RNF214: variants seen among roughly 807,000 people sequenced by gnomAD.
RNF214 encodes the protein ring finger protein 214.
RNF214 carries 25 observed loss-of-function variants against 75.9 expected under a neutral mutation model. That is an observed-to-expected ratio of 0.33 (90% CI 0.24 to 0.46). RNF214 has a LOEUF of 0.46. Ranked by LOEUF, RNF214 falls within the 20% of genes least tolerant of loss-of-function variation. The pLI is 1.00. For missense variants in RNF214, 725 were observed against 857.5 expected (o/e 0.85, Z 1.93); for synonymous variants, 314 against 308.8 (o/e 1.02, Z -0.18).
At chr11:117,268,674 CTT>C (rs1033143232) in intron 6 of RNF214, among the ~76,000 whole-genome samples, 22 of 152,170 alleles carry the variant, frequency 1.4e-4, no homozygotes, top group African/African-American at 5.1e-4. Flanking sequence ...ATTCTAGAGA[CTT>C]TTTATTTTCA....
intron 8 of RNF214, among the ~76,000 whole-genome samples, chr11:117,280,926 C>G (rs1017795932): frequency 1.3e-5 from 2 of 149,750 alleles, no homozygotes; most frequent in Non-Finnish European, 2.9e-5. Context: ...CTCTTCTCAA[C>G]GGCAATTAGC....
At chr11:117,271,317 T>G (rs1356843052) in intron 6 of RNF214, among the ~76,000 whole-genome samples, 1 of 152,254 alleles carries the variant, frequency 6.6e-6, no homozygotes, top group East Asian at 1.9e-4. Context: ...CACCTTGGCC[T>G]CTGTGAACCC....
intron 5 of RNF214, among the ~76,000 whole-genome samples, chr11:117,246,548 G>A (rs1472933278): frequency 6.6e-6 from 1 of 152,144 alleles, no homozygotes; most frequent in African/African-American, 2.4e-5. Context: ...TGCTTCACAA[G>A]GCAGTATATT....
At chr11:117,253,761 G>A (rs1325195977) in intron 6 of RNF214, among the ~76,000 whole-genome samples, 1 of 152,182 alleles carries the variant, frequency 6.6e-6, no homozygotes, top group Non-Finnish European at 1.5e-5. Flanking sequence ...GGCTCGTGGT[G>A]ACCCTGTGTT....
intron 6 of RNF214, 63 bp from the exon 7 acceptor site, chr11:117,279,845 C>T: frequency 1.5e-6 from 2 of 1,305,212 alleles, no homozygotes; most frequent in Non-Finnish European, 2.1e-6. Context: ...TACTTTTGCC[C>T]TGGTATCTCT....
chr11:117,235,191 A>C (rs571178889), intron 2 of RNF214, among the ~76,000 whole-genome samples: 16 of 152,220 alleles, frequency 1.1e-4, no homozygotes, highest in South Asian at 6.2e-4. Context: ...ATGGTTTCAA[A>C]TCTATTTCAC....
At chr11:117,275,428 C>G (rs1428629111) in intron 6 of RNF214, among the ~76,000 whole-genome samples, 1 of 151,886 alleles carries the variant, frequency 6.6e-6, no homozygotes, top group African/African-American at 2.4e-5. Flanking sequence ...AAAATTGAAA[C>G]CAAAAAATAC....
rs1229213783 is a variant in RNF214, at chr11:117,239,027, A to T, written c.534A>T (p.Ala178=). The stretch of plus-strand genomic sequence containing the variant: ...ATTTCCGACCTGTAGTGTCTCCAGC[A>T]AATGGGGTTGAAGGAGTCCGAGTGG... ...SLDFRPVVSP[A]NGVEGVRVDQ... The change falls in exon 3 of 15, where the codon GCA becomes GCT. Residue 178 remains alanine (A), a synonymous_variant. Coordinates refer to ENST00000300650, the MANE Select transcript of RNF214 (RefSeq NM_207343.4). The T allele has an allele frequency of 6.2e-7, 1 of 1,614,200 alleles. No homozygotes were observed. Among genetic ancestry groups the T allele is most frequent in the Non-Finnish European group, 8.5e-7 (1 of 1,180,040 alleles).
At chr11:117,279,640 A>G (rs1235937888) in intron 6 of RNF214, among the ~76,000 whole-genome samples, 6 of 152,310 alleles carry the variant, frequency 3.9e-5, no homozygotes, top group East Asian at 1.9e-4. Context: ...CCCGGTCACA[A>G]CGTTTTTACT....
intron 6 of RNF214, among the ~76,000 whole-genome samples, chr11:117,254,575 C>A (rs1414215849): frequency 1.3e-5 from 2 of 151,866 alleles, no homozygotes; most frequent in African/African-American, 4.8e-5. Flanking sequence ...TTTTATTTTC[C>A]TGTATTACTC....
intron 6 of RNF214, among the ~76,000 whole-genome samples, chr11:117,256,115 CCAGA>C (rs1021804759): frequency 2.6e-5 from 4 of 152,190 alleles, no homozygotes; most frequent in African/African-American, 7.2e-5. Context: ...GAAAGCTTTC[CCAGA>C]CACTCTCCCT....
At chr11:117,240,182 A>G (rs992330827) in intron 4 of RNF214, among the ~76,000 whole-genome samples, 2 of 151,658 alleles carry the variant, frequency 1.3e-5, no homozygotes, top group Middle Eastern at 3.2e-3. Context: ...GTGAAACACC[A>G]TGTCTACAAA....
chr11:117,259,757 TGGG>T (rs1210869855), intron 6 of RNF214, among the ~76,000 whole-genome samples: 1 of 152,212 alleles, frequency 6.6e-6, no homozygotes, highest in Non-Finnish European at 1.5e-5. Flanking sequence ...TTCCTTTTCT[TGGG>T]GGGTTGAGTT....
chr11:117,274,507 T>C (rs2033974332), intron 6 of RNF214, among the ~76,000 whole-genome samples: 1 of 149,946 alleles, frequency 6.7e-6, no homozygotes, highest in Admixed American at 6.7e-5. Context: ...GGATTACAGG[T>C]GCCCACTACC....
intron 5 of RNF214, 106 bp from the exon 6 acceptor site, chr11:117,246,703 T>TA: frequency 1.7e-6 from 2 of 1,171,932 alleles, no homozygotes; most frequent in Non-Finnish European, 2.3e-6. Context: ...TTGAATTCAC[T>TA]AAAGTCAATA....
intron 4 of RNF214, 97 bp from the exon 5 acceptor site, chr11:117,244,348 C>A (rs77317918): frequency 3.3e-6 from 3 of 904,838 alleles, no homozygotes; most frequent in Admixed American, 2.6e-5. Context: ...TTGGATAGTG[C>A]GGTCATAGAG....
At chr11:117,259,761 G>A (rs543709716) in intron 6 of RNF214, among the ~76,000 whole-genome samples, 11 of 151,962 alleles carry the variant, frequency 7.2e-5, no homozygotes, top group Admixed American at 2.6e-4. Flanking sequence ...TTTTCTTGGG[G>A]GGTTGAGTTT....
intron 2 of RNF214, among the ~76,000 whole-genome samples, chr11:117,237,194 T>G (rs899000890): frequency 1.3e-4 from 20 of 152,292 alleles, no homozygotes; most frequent in African/African-American, 4.8e-4. Context: ...GTCCTCTCAC[T>G]TCAGCCTCCC....
At chr11:117,273,478 T>A (rs2033951459) in intron 6 of RNF214, among the ~76,000 whole-genome samples, 1 of 151,888 alleles carries the variant, frequency 6.6e-6, no homozygotes, top group South Asian at 2.1e-4. Context: ...GTATGTTGTA[T>A]GGGGAAGAGA....
Sources: gnomAD v4.1 joint callset for allele counts (sites outside exome capture counted in the v4.1 genomes callset) on GRCh38, gnomAD v4.1.1 for gene constraint, MANE v1.5 for transcripts, NCBI Gene and HGNC (gene_info 2026-07-23, HGNC 2026-07-21) for gene names.